Variants in GPHN observed in about 807,000 individuals in gnomAD.
GPHN encodes the protein gephyrin.
GPHN carries 17 observed loss-of-function variants against 95.5 expected under a neutral mutation model. The observed-to-expected ratio is 0.18, with a 90% CI of 0.12 to 0.27. The LOEUF is 0.27. GPHN is among the 10% of genes least tolerant of loss of function. The pLI is 1.00. For synonymous variants in GPHN, 320 were observed against 322.5 expected (o/e 0.99, Z 0.08); for missense variants, 660 against 978.1 (o/e 0.67, Z 4.34).
the GPHN span, chr14:67,385,933 A>G: frequency 1.3e-5 from 2 of 152,182 alleles, no homozygotes; most frequent in Admixed American, 6.5e-5. Flanking sequence ...CTTTTACACC[A>G]AGAACAAAAT....
the GPHN span, chr14:67,706,061 G>C: frequency 7.9e-5 from 12 of 152,238 alleles, no homozygotes; most frequent in African/African-American, 2.6e-4. Flanking sequence ...TGCCAATCAG[G>C]TGTCCACATT....
chr14:67,406,188 G>A, the GPHN span, among the ~76,000 whole-genome samples: 1 of 151,428 alleles, frequency 6.6e-6, no homozygotes, highest in African/African-American at 2.4e-5. Flanking sequence ...GAACCCAGGA[G>A]GAGGAGGTTG....
At chr14:66,849,380 A>G (rs1763296915) in intron 4 of GPHN, among the ~76,000 whole-genome samples, 1 of 151,986 alleles carries the variant, frequency 6.6e-6, no homozygotes, top group African/African-American at 2.4e-5. Context: ...TATACTTCTA[A>G]TGATCACTTT....
the GPHN span, chr14:67,360,440 TCA>T: frequency 3.1e-5 from 12 of 387,774 alleles, no homozygotes; most frequent in South Asian, 1.7e-3. Flanking sequence ...AGTGCGGGAA[TCA>T]CACACATACC....
chr14:67,172,971 C>G (rs2082686198), intron 21 of GPHN, among the ~76,000 whole-genome samples: 1 of 152,166 alleles, frequency 6.6e-6, no homozygotes, highest in Admixed American at 6.5e-5. Flanking sequence ...CTCCCCAGCC[C>G]CAAACGTCCA....
At chr14:67,113,753 A>G (rs1300665401) in intron 16 of GPHN, among the ~76,000 whole-genome samples, 1 of 152,212 alleles carries the variant, frequency 6.6e-6, no homozygotes, top group Non-Finnish European at 1.5e-5. Context: ...TGATTTAGAA[A>G]AGAGAATTTA....
At chr14:66,653,797 A>G (rs1222511498) in intron 1 of GPHN, among the ~76,000 whole-genome samples, 2 of 152,168 alleles carry the variant, frequency 1.3e-5, no homozygotes, top group East Asian at 1.9e-4. Context: ...ATTCCATGGT[A>G]TGGATGTGCC....
intron 2 of GPHN, among the ~76,000 whole-genome samples, chr14:66,713,494 C>T (rs1035472745): frequency 3.9e-5 from 6 of 152,040 alleles, no homozygotes; most frequent in African/African-American, 1.4e-4. Flanking sequence ...GGCCCGTGTG[C>T]CTATTTTTAT....
chr14:66,842,710 GA>G, intron 4 of GPHN: 1 of 1,533,122 alleles, frequency 6.5e-7, no homozygotes, highest in Non-Finnish European at 8.7e-7. Context: ...GTGGGCTCCA[GA>G]AAGGGGTAAG....
At chr14:67,473,487 T>C in the GPHN span, 1 of 1,614,176 alleles carries the variant, frequency 6.2e-7, no homozygotes, top group Non-Finnish European at 8.5e-7. The surrounding 1 kb of genome is among the most constrained non-coding windows in gnomAD (Gnocchi z 6.5). Context: ...CTCAGCGTCC[T>C]TGTCGAAGCG....
chr14:67,730,979 A>T, the GPHN span, among the ~76,000 whole-genome samples: 1 of 152,296 alleles, frequency 6.6e-6, no homozygotes, highest in East Asian at 1.9e-4. Flanking sequence ...TTATATTTTT[A>T]AATGAGATAA....
intron 10 of GPHN, among the ~76,000 whole-genome samples, chr14:67,030,149 A>G (rs929604592): frequency 6.6e-6 from 1 of 151,114 alleles, no homozygotes; most frequent in Admixed American, 6.6e-5. Flanking sequence ...TCTTCTTCCT[A>G]AACTTCAGTT....
chr14:67,314,513 C>T, the GPHN span, among the ~76,000 whole-genome samples: 3 of 152,220 alleles, frequency 2.0e-5, no homozygotes, highest in Admixed American at 1.3e-4. Context: ...TGCTAAAACC[C>T]GTGATTCTTC....
intron 1 of GPHN, among the ~76,000 whole-genome samples, chr14:66,622,434 A>T (rs1420247111): frequency 6.6e-6 from 1 of 152,160 alleles, no homozygotes; most frequent in Non-Finnish European, 1.5e-5. Flanking sequence ...TGTCTAGGGG[A>T]TTAACATTCA....
chr14:67,135,691 C>CT (rs565221786), intron 17 of GPHN, among the ~76,000 whole-genome samples: 29 of 147,660 alleles, frequency 2.0e-4, no homozygotes, highest in South Asian at 2.1e-4. Flanking sequence ...TTTTGTTTTG[C>CT]TTTTTTTTTT....
At chr14:67,670,070 G>A in the GPHN span, among the ~76,000 whole-genome samples, 1 of 152,200 alleles carries the variant, frequency 6.6e-6, no homozygotes, top group African/African-American at 2.4e-5. Flanking sequence ...ACTCCAGCCT[G>A]GATGACGGGA....
chr14:67,180,747 G>C, intron 22 of GPHN, 57 bp from the exon 23 acceptor site: 1 of 1,564,468 alleles, frequency 6.4e-7, no homozygotes, highest in Non-Finnish European at 8.8e-7. Flanking sequence ...GTCTACAAGG[G>C]CCCAACTGTA....
chr14:66,577,659 T>C (rs921236428), intron 1 of GPHN, among the ~76,000 whole-genome samples: 1 of 152,192 alleles, frequency 6.6e-6, no homozygotes, highest in Non-Finnish European at 1.5e-5. Flanking sequence ...TGATCTTTAC[T>C]GTTCTGATAA....
chr14:67,577,382 G>T, the GPHN span: 1 of 1,590,248 alleles, frequency 6.3e-7, no homozygotes, highest in Non-Finnish European at 8.6e-7. Flanking sequence ...GCCCTCTGAG[G>T]CCTTGCAGAC....
Sources: allele counts gnomAD v4.1 joint callset (sites outside exome capture counted in the v4.1 genomes callset), GRCh38; gene constraint gnomAD v4.1.1; non-coding constraint Gnocchi (gnomAD v3.1); transcripts MANE v1.5; gene names NCBI Gene and HGNC (gene_info 2026-07-23, HGNC 2026-07-21).